The following ROBO1 variants were observed in gnomAD, a reference collection of about 807,000 sequenced individuals.
The protein encoded by ROBO1 is roundabout guidance receptor 1, also known as roundabout homolog 1.
In ROBO1, 149 loss-of-function variants were observed where a neutral mutation model predicts 195.9. The observed-to-expected ratio is 0.76, with a 90% CI of 0.67 to 0.87. The LOEUF (loss-of-function observed/expected upper bound fraction) is 0.87. ROBO1 is among the 40% of genes least tolerant of loss of function. The pLI, the probability that ROBO1 is intolerant of heterozygous loss-of-function variation, is 0.00. For missense variants in ROBO1, 1,933 were observed against 2,068.3 expected (o/e 0.93, Z 1.27); for synonymous variants, 816 against 733.2 (o/e 1.11, Z -1.82).
chr3:78,865,390 TTA>T (rs2035105999), intron 4 of ROBO1, among the ~76,000 whole-genome samples: 1 of 152,132 alleles, frequency 6.6e-6, no homozygotes, highest in African/African-American at 2.4e-5. Flanking sequence ...ACCATATGCT[TTA>T]CTCATTTGGG....
intron 1 of ROBO1, among the ~76,000 whole-genome samples, chr3:79,712,779 C>A (rs905818775): frequency 1.3e-5 from 2 of 152,026 alleles, no homozygotes; most frequent in Non-Finnish European, 2.9e-5. Flanking sequence ...GGGGCTAATG[C>A]AGCCAGTGAA....
At chr3:79,502,179 G>C (rs1339510195) in intron 2 of ROBO1, among the ~76,000 whole-genome samples, 1 of 152,182 alleles carries the variant, frequency 6.6e-6, no homozygotes, top group Admixed American at 6.5e-5. Flanking sequence ...CCTTCAGCCC[G>C]CCGCTGCACT....
intron 2 of ROBO1, among the ~76,000 whole-genome samples, chr3:79,213,726 C>T (rs2082004089): frequency 6.6e-6 from 1 of 151,940 alleles, no homozygotes; most frequent in African/African-American, 2.4e-5. Context: ...CATTCTCCCA[C>T]CCACTGCTTT....
At chr3:79,484,432 A>G (rs1389272063) in intron 2 of ROBO1, among the ~76,000 whole-genome samples, 1 of 152,180 alleles carries the variant, frequency 6.6e-6, no homozygotes, top group Non-Finnish European at 1.5e-5. Context: ...ATTCTGTTAC[A>G]TACTCACTAT....
intron 4 of ROBO1, among the ~76,000 whole-genome samples, chr3:78,918,374 G>A (rs78675031): frequency 6.6e-6 from 1 of 152,120 alleles, no homozygotes; most frequent in Non-Finnish European, 1.5e-5. Flanking sequence ...TGAAAAAAAT[G>A]TATGAAAACC....
intron 3 of ROBO1, among the ~76,000 whole-genome samples, chr3:78,996,729 CA>C (rs1394481286): frequency 1.3e-5 from 2 of 152,042 alleles, no homozygotes; most frequent in African/African-American, 4.8e-5. Context: ...CACACACACA[CA>C]CCCCTTTTGA....
chr3:79,467,212 C>T (rs1938008848), intron 2 of ROBO1, among the ~76,000 whole-genome samples: 1 of 151,904 alleles, frequency 6.6e-6, no homozygotes, highest in Non-Finnish European at 1.5e-5. Context: ...TGGATATTGG[C>T]CTGAATAATG....
At chr3:79,439,749 T>G (rs2038994797) in intron 2 of ROBO1, among the ~76,000 whole-genome samples, 1 of 152,122 alleles carries the variant, frequency 6.6e-6, no homozygotes, top group Admixed American at 6.6e-5. Flanking sequence ...TGAAAAGTAA[T>G]AAAAATTTCA....
Position 78,651,945 on chromosome 3 carries a change from C to T in ROBO1, c.2615-16G>A, listed in dbSNP as rs575452560. ...CCATGGGCATCTGAAAAGTCATCTT[C>T]CGATTAATTTGGGTTGAAGACTCAA... On this transcript the variant is annotated splice_polypyrimidine_tract_variant and intron_variant, in intron 18 of 30. Transcript: ENST00000464233. 10 of 1,607,402 alleles carry T rather than the reference C, an allele frequency of 6.2e-6. No individual in the cohort carries two copies. Among genetic ancestry groups the T allele is most frequent in the African/African-American group, 4.0e-5 (3 of 74,790 alleles).
intron 3 of ROBO1, among the ~76,000 whole-genome samples, chr3:79,056,982 G>A (rs2078821920): frequency 6.6e-6 from 1 of 152,092 alleles, no homozygotes. Flanking sequence ...TCGGCTCGAA[G>A]TTCAAGCCGC....
intron 3 of ROBO1, among the ~76,000 whole-genome samples, chr3:79,095,797 C>T (rs1268969695): frequency 1.3e-5 from 2 of 151,938 alleles, no homozygotes; most frequent in Admixed American, 6.6e-5. Flanking sequence ...ATAATTAAAT[C>T]CCCATTATTC....
intron 17 of ROBO1, among the ~76,000 whole-genome samples, chr3:78,658,348 T>C (rs1575857913): frequency 6.6e-6 from 1 of 152,326 alleles, no homozygotes; most frequent in East Asian, 1.9e-4. Flanking sequence ...TGCAGTGTAG[T>C]GGTGCAATCT....
At chr3:79,633,462 C>A (rs562156641) in intron 1 of ROBO1, among the ~76,000 whole-genome samples, 2 of 148,326 alleles carry the variant, frequency 1.3e-5, no homozygotes, top group African/African-American at 5.0e-5. Flanking sequence ...CTAGGACAAT[C>A]GGCATGGGCT....
chr3:79,382,533 G>A (rs942408499), intron 2 of ROBO1, among the ~76,000 whole-genome samples: 2 of 152,100 alleles, frequency 1.3e-5, no homozygotes, highest in African/African-American at 4.8e-5. Flanking sequence ...ATTTTCTGGT[G>A]ATATAATCTG....
intron 1 of ROBO1, among the ~76,000 whole-genome samples, chr3:79,645,344 A>G (rs1171363533): frequency 6.6e-6 from 1 of 151,938 alleles, no homozygotes; most frequent in Non-Finnish European, 1.5e-5. Context: ...TCAACAAAAA[A>G]TAAAAAAATT....
intron 2 of ROBO1, among the ~76,000 whole-genome samples, chr3:79,568,903 T>C (rs1179238537): frequency 6.6e-6 from 1 of 152,212 alleles, no homozygotes; most frequent in East Asian, 1.9e-4. Flanking sequence ...TAGTTCACAA[T>C]CTACATATAA....
At chr3:78,611,408 T>C (rs1703800639) in intron 28 of ROBO1, among the ~76,000 whole-genome samples, 1 of 152,214 alleles carries the variant, frequency 6.6e-6, no homozygotes, top group East Asian at 1.9e-4. Flanking sequence ...AATGCACTTA[T>C]TCCTGGCTTT....
intron 1 of ROBO1, among the ~76,000 whole-genome samples, chr3:79,641,659 G>A (rs145149501): frequency 4.7e-5 from 7 of 148,354 alleles, no homozygotes; most frequent in African/African-American, 1.7e-4. Flanking sequence ...GAAGTTTAAG[G>A]GAAACCCAGT....
At chr3:78,615,000 C>G (rs547235522) in intron 27 of ROBO1, among the ~76,000 whole-genome samples, 200 bp from the exon 28 acceptor site, 3 of 152,054 alleles carry the variant, frequency 2.0e-5, no homozygotes, top group Non-Finnish European at 4.4e-5. Flanking sequence ...ACCCCAAAAG[C>G]ATTTTCTGCT....
Sources: allele counts gnomAD v4.1 joint callset (sites outside exome capture counted in the v4.1 genomes callset), GRCh38; gene constraint gnomAD v4.1.1; transcripts MANE v1.5; gene names NCBI Gene and HGNC (gene_info 2026-07-23, HGNC 2026-07-21).